RELB: variants seen among roughly 807,000 people sequenced by gnomAD.
RELB encodes RELB proto-oncogene, NF-kB subunit.
A neutral mutation model predicts 55.4 loss-of-function variants in RELB; 14 were observed. The ratio of observed to expected loss-of-function variants is 0.25; its 90% CI spans 0.17 to 0.40. The LOEUF is 0.40. Among genes scored for constraint, RELB ranks in the 10% least tolerant of loss-of-function variants. The probability of loss-of-function intolerance (pLI) is 1.00; values close to 1 mark genes in which losing one functional copy is unlikely to be tolerated. For synonymous variants in RELB, 409 were observed against 371.3 expected (o/e 1.10, Z -1.17); for missense variants, 669 against 830.7 (o/e 0.81, Z 2.39).
At chr19:45,003,915 GTTTTTTTTTTT>G (rs1039624578) in intron 2 of RELB, among the ~76,000 whole-genome samples, 2 of 63,574 alleles carry the variant, frequency 3.1e-5, no homozygotes, top group East Asian at 6.1e-4. Context: ...TGTTTTTTGT[GTTTTTTTTTTT>G]TTTTTTTTTT....
intron 4 of RELB, among the ~76,000 whole-genome samples, chr19:45,015,094 G>C (rs1033891689): frequency 6.6e-6 from 1 of 151,646 alleles, no homozygotes; most frequent in African/African-American, 2.4e-5. Context: ...GTAGAGACAG[G>C]GTTTCACCAC....
In RELB at chr19:45,037,641, C is replaced by A. The variant is rs1971710962; in HGVS notation, c.1591C>A (p.Pro531Thr). The change falls in exon 12 of 12, where the codon CCT becomes ACT. Residue 531 changes from proline (P) to threonine (T), a missense_variant. By Grantham distance (38) the Pro-to-Thr change is conservative (BLOSUM62 -1). Around this residue, in one of 3 missense-constraint regions of RELB, gnomAD observed 341 missense variants for 436.8 expected, o/e 0.78. Coordinates refer to ENST00000221452, the MANE Select transcript of RELB (RefSeq NM_006509.4). ...GGCCGTGGTTGGGGAGACCCCCGGC[C>A]CTGAACCACTGACACTGGACTCGTA... The part of the protein sequence containing the change: ...AGAVVGETPG[P>T]EPLTLDSYQA... The A allele has an allele frequency of 6.3e-7, 1 of 1,599,676 alleles. No homozygotes were observed. Among genetic ancestry groups the A allele is most frequent in the Admixed American group, 1.7e-5 (1 of 57,680 alleles).
In RELB at chr19:45,011,991, G is replaced by T. The variant is rs765088332; in HGVS notation, c.219G>T (p.Pro73=). ...ENGFGLDGGQ[P]GPGEGLPRLV... is the part of the protein sequence containing the mutation. ...GCTTCGGCCTGGACGGGGGACAGCC[G>T]GGCCCGGGCGAGGGGCTGCCACGCC... Residue 73 remains proline, a synonymous_variant, in exon 4 of 12, where the codon CCG becomes CCT. Coordinates refer to ENST00000221452, the MANE Select transcript of RELB (RefSeq NM_006509.4). 1.2e-4 allele frequency: 183 copies of T among 1,577,574 alleles called. 1 individual carries two copies. The South Asian group carries it at 2.1e-3, about 18-fold the overall frequency.
At chr19:45,022,773 T>G (rs1410403961) in intron 5 of RELB, among the ~76,000 whole-genome samples, 1 of 152,120 alleles carries the variant, frequency 6.6e-6, no homozygotes, top group African/African-American at 2.4e-5. Context: ...GGTCTCGAAC[T>G]GCTGACCTTA....
chr19:45,021,148 C>G (rs1306378267), intron 4 of RELB, among the ~76,000 whole-genome samples: 2 of 151,646 alleles, frequency 1.3e-5, no homozygotes, highest in African/African-American at 4.8e-5. Context: ...CGCACTCTAG[C>G]TTAGGTGATA....
intron 5 of RELB, among the ~76,000 whole-genome samples, chr19:45,023,393 TTTCCTTCCTTCC>T (rs58473606): frequency 1.4e-3 from 199 of 144,684 alleles, no homozygotes; most frequent in South Asian, 3.6e-3. Context: ...TGCAGTTTTC[TTTCCTTCCTTCC>T]TTCCTTCCTT....
chr19:45,030,724 G>T (rs1971610721), intron 8 of RELB, among the ~76,000 whole-genome samples: 1 of 152,228 alleles, frequency 6.6e-6, no homozygotes, highest in Admixed American at 6.5e-5. Flanking sequence ...TTAAGTGCAG[G>T]AGTTGGAGGT....
intron 4 of RELB, among the ~76,000 whole-genome samples, chr19:45,012,514 C>A (rs1345968169): frequency 6.6e-6 from 1 of 152,060 alleles, no homozygotes; most frequent in African/African-American, 2.4e-5. Context: ...GAGTCTGAGG[C>A]GGGCGGATCC....
intron 4 of RELB, among the ~76,000 whole-genome samples, chr19:45,017,584 A>G (rs1248353780): frequency 1.3e-5 from 2 of 151,374 alleles, no homozygotes; most frequent in Non-Finnish European, 2.9e-5. Context: ...TTTTCTTTTT[A>G]AGTTTTATTG....
At chr19:45,024,811 G>A (rs1487135043) in intron 5 of RELB, among the ~76,000 whole-genome samples, 1 of 152,000 alleles carries the variant, frequency 6.6e-6, no homozygotes, top group Non-Finnish European at 1.5e-5. Context: ...GCCTCCCAAA[G>A]TGCTGGGATT....
At chr19:45,003,819 A>T (rs1186351201) in intron 2 of RELB, among the ~76,000 whole-genome samples, 1 of 150,968 alleles carries the variant, frequency 6.6e-6, no homozygotes, top group African/African-American at 2.4e-5. Context: ...TGTTAGTGGT[A>T]TAATAATAAT....
intron 8 of RELB, among the ~76,000 whole-genome samples, 175 bp downstream of exon 8, chr19:45,029,167 C>A (rs539561893): frequency 2.0e-5 from 3 of 152,204 alleles, no homozygotes; most frequent in Non-Finnish European, 4.4e-5. Context: ...TTCATTCACT[C>A]CCTGAGTCGC....
At chr19:45,026,940 C>G (rs997175537) in intron 7 of RELB, among the ~76,000 whole-genome samples, 1 of 152,050 alleles carries the variant, frequency 6.6e-6, no homozygotes, top group African/African-American at 2.4e-5. Flanking sequence ...GTGATAGAAT[C>G]CCAACTTAGC....
At chr19:45,011,667 G>A (rs546641007) in intron 3 of RELB, among the ~76,000 whole-genome samples, 1 of 150,902 alleles carries the variant, frequency 6.6e-6, no homozygotes, top group South Asian at 2.1e-4. Flanking sequence ...GGCTGGTCTC[G>A]AACTCCTGAC....
chr19:45,021,780 A>G (rs142380271), intron 4 of RELB: 3,341 of 323,606 alleles, frequency 0.01, 30 homozygotes, highest in South Asian at 0.02. Flanking sequence ...TCACCATGTT[A>G]GCCAGGCTGG....
intron 3 of RELB, among the ~76,000 whole-genome samples, chr19:45,010,350 A>T (rs73560241): frequency 0.018 from 1,630 of 90,842 alleles, 53 homozygotes; most frequent in African/African-American, 0.053. Context: ...TAATGTTATT[A>T]ATCCCCTAGT....
At chr19:45,028,663 C>T (rs944600053) in intron 7 of RELB, among the ~76,000 whole-genome samples, 3 of 152,266 alleles carry the variant, frequency 2.0e-5, no homozygotes, top group Admixed American at 6.5e-5. Flanking sequence ...AGACACTCAC[C>T]GGGCTTCAGC....
intron 4 of RELB, among the ~76,000 whole-genome samples, chr19:45,021,132 C>T (rs1042315602): frequency 6.6e-5 from 10 of 150,852 alleles, no homozygotes; most frequent in South Asian, 2.1e-4. Flanking sequence ...TGAGATCTCC[C>T]GCCACCGCAC....
chr19:45,003,056 C>T, intron 2 of RELB, 60 bp downstream of exon 2: 1 of 1,505,364 alleles, frequency 6.6e-7, no homozygotes, highest in Non-Finnish European at 9.1e-7. Context: ...TGGGAGGACT[C>T]CACAGAGATG....
Sources: gnomAD v4.1 joint callset for allele counts (sites outside exome capture counted in the v4.1 genomes callset) on GRCh38, gnomAD v4.1.1 for gene constraint, gnomAD v4.1.1 regional missense constraint, MANE v1.5 for transcripts, NCBI Gene and HGNC (gene_info 2026-07-23, HGNC 2026-07-21) for gene names.